ERCC6: variants seen among roughly 807,000 people sequenced by gnomAD.
ERCC6 encodes DNA excision repair protein ERCC-6.
In ERCC6, 116 loss-of-function variants were observed where a neutral mutation model predicts 158.7. That is an observed-to-expected ratio of 0.73 (90% confidence interval 0.63 to 0.85). ERCC6 has a LOEUF of 0.85. Among genes scored for constraint, ERCC6 ranks in the 40% least tolerant of loss-of-function variants. The pLI, the probability that ERCC6 is intolerant of heterozygous loss-of-function variation, is 0.00. For synonymous variants in ERCC6, 678 were observed against 659.3 expected (o/e 1.03, Z -0.43); for missense variants, 1,698 against 1,799.4 (o/e 0.94, Z 1.02).
In ERCC6 at chr10:49,454,945, T is replaced by G. The variant is rs190896169; in HGVS notation, c.*3870A>C. 1.5e-3 allele frequency among the ~76,000 whole-genome samples: 221 copies of G among 152,278 alleles called. 1 individual carries two copies. The highest frequency in any genetic ancestry group is 5.2e-3 in the African/African-American group (218 of 41,564). On this transcript the variant is annotated 3_prime_UTR_variant, in exon 21 of 21. Coordinates refer to ENST00000355832, the MANE Select transcript of ERCC6 (RefSeq NM_000124.4). ...TCAGGAGGAAAATAATAAACTATTT[T>G]TTAAAGGTGCTAGGGAAACTAGCTA...
At position 49,470,676 on chromosome 10, in the gene ERCC6, G is replaced by C. The variant is rs4253208; in HGVS notation, c.3284C>G (p.Pro1095Arg). 2.2e-3 allele frequency: 3,607 copies of C among 1,613,920 alleles called. 79 individuals carry two copies. The African/African-American group carries it at 0.044, about 20-fold the overall frequency. ...GCTAGTTACATTACTACTCATGTGA[G>C]GGTCATCTTTCAAAGGATCACTTCG... ...SNRSDPLKDD[P>R]HMSSNVTSND... is the part of the protein sequence containing the mutation. The change falls in exon 18 of 21, where the codon CCT becomes CGT. Residue 1095 changes from proline (P) to arginine (R), a missense_variant. By Grantham distance (103) the Pro-to-Arg change is moderately radical. Transcript: ENST00000355832.
intron 1 of ERCC6, among the ~76,000 whole-genome samples, chr10:49,534,958 G>A (rs1192192889): frequency 1.3e-5 from 2 of 152,186 alleles, no homozygotes; most frequent in Non-Finnish European, 2.9e-5. Flanking sequence ...GAGCAGGGCA[G>A]GTCAGCTAGC....
At chr10:49,519,131 GGTTTTCA>G (rs1211355556) in intron 5 of ERCC6, among the ~76,000 whole-genome samples, 2 of 152,086 alleles carry the variant, frequency 1.3e-5, no homozygotes, top group Admixed American at 6.6e-5. Context: ...TTTTTGGTTT[GGTTTTCA>G]GTCCAATGGA....
intron 6 of ERCC6, chr10:49,501,716 G>A (rs1054516425): frequency 2.6e-5 from 4 of 152,004 alleles, no homozygotes; most frequent in Non-Finnish European, 5.9e-5. Flanking sequence ...AGCACTTTGG[G>A]AAGCCGAGGC....
chr10:49,496,121 G>A (rs1851262304), intron 7 of ERCC6, among the ~76,000 whole-genome samples: 1 of 152,064 alleles, frequency 6.6e-6, no homozygotes, highest in African/African-American at 2.4e-5. Context: ...CCATGTCCTG[G>A]TTACCCTCTT....
Position 49,500,616 on chromosome 10 carries a change from A to C in ERCC6, c.1607T>G (p.Leu536Trp), listed in dbSNP as rs774175886. Reference protein sequence around the residue: ...AGGILGDEMGLGKTIQIIAFL... With the variant: ...AGGILGDEMGWGKTIQIIAFL... ...GGCAATTATCTGGATGGTCTTGCCC[A>C]ATCCCATTTCATCTCCCAGAATTCC... The change falls in exon 7 of 21, where the codon TTG (leucine) becomes TGG (tryptophan). Residue 536 changes from leucine to tryptophan, a missense_variant. By Grantham distance (61) the Leu-to-Trp change is moderately conservative (BLOSUM62 -2). Transcript: ENST00000355832. 6.2e-6 allele frequency: 10 copies of C among 1,613,896 alleles called. No individual in the cohort carries two copies. The East Asian group carries it at 2.0e-4, about 32-fold the overall frequency.
In ERCC6 at chr10:49,501,021, C is replaced by T. The variant is rs4253115; in HGVS notation, c.1527-325G>A. ...AAGCATAAACTTACTATTTTTTACT[C>T]ACTTTCTGGGGGAAAAAATCCCAAA... On this transcript the variant is annotated intron_variant, in intron 6 of 20. Coordinates refer to ENST00000355832, the MANE Select transcript of ERCC6 (RefSeq NM_000124.4). 5.8e-4 allele frequency: 156 copies of T among 269,574 alleles called. 3 individuals are homozygous for T. The South Asian group carries it at 6.9e-3, about 12-fold the overall frequency. 16.7% of individuals were successfully genotyped at this position (269,574 alleles called of 1,614,324 possible). A position where few individuals can be genotyped will look rare whatever the true frequency, so the allele number is the denominator to read the frequency against.
intron 5 of ERCC6, among the ~76,000 whole-genome samples, chr10:49,507,735 G>A (rs368684611): frequency 2.0e-5 from 3 of 152,038 alleles, no homozygotes; most frequent in African/African-American, 2.4e-5. Context: ...GGAAGGAGTC[G>A]GGAGGATATA....
rs764824370 is a variant in ERCC6, at chr10:49,482,780, G to A, written c.2076C>T (p.Ile692=). Residue 692 remains isoleucine (I), a synonymous_variant, in exon 10 of 21, where the codon ATC becomes ATT. Coordinates refer to ENST00000355832, the MANE Select transcript of ERCC6 (RefSeq NM_000124.4). ...LRELWSLFDF[I]FPGKLGTLPV... is the part of the protein sequence containing the mutation. The stretch of plus-strand genomic sequence containing the variant: ...GCAACGTGCCTAACTTTCCCGGGAA[G>A]ATGAAGTCAAAGAGCGACCACAGCT... 4 of 1,613,678 alleles carry A rather than the reference G, an allele frequency of 2.5e-6. No individual in the cohort carries two copies. The highest frequency in any genetic ancestry group is 3.4e-6 in the Non-Finnish European group (4 of 1,179,946).
At position 49,508,605 on chromosome 10, in the gene ERCC6, T is replaced by C. The variant is rs114883603; in HGVS notation, c.1398-2593A>G. Among the ~76,000 whole-genome samples the C allele has an allele frequency of 2.8e-3, 421 of 152,310 alleles. 1 individual carries two copies. The highest frequency in any genetic ancestry group is 9.8e-3 in the African/African-American group (409 of 41,564). On this transcript the variant is annotated intron_variant, in intron 5 of 20. Transcript: ENST00000355832. ...TTATTGCCTGCAAGTATTTGTATCA[T>C]TGTGAAGACAAATTGCCCCAGTAGA...
At chr10:49,488,822 C>T (rs1054149302) in intron 8 of ERCC6, among the ~76,000 whole-genome samples, 1 of 152,010 alleles carries the variant, frequency 6.6e-6, no homozygotes. Flanking sequence ...CTCGCTCTGT[C>T]GCCCAGACTG....
At chr10:49,460,268 A>T in intron 20 of ERCC6, 105 bp downstream of exon 20, 1 of 799,570 alleles carries the variant, frequency 1.3e-6, no homozygotes, top group Non-Finnish European at 2.2e-6. Flanking sequence ...AGGTGTCATT[A>T]CACCAGAGAT....
At chr10:49,494,223 G>A (rs372100845) in intron 7 of ERCC6, among the ~76,000 whole-genome samples, 12 of 152,220 alleles carry the variant, frequency 7.9e-5, no homozygotes, top group African/African-American at 2.4e-4. Context: ...CTCTGGGAAC[G>A]TCAGTTTTTC....
chr10:49,503,944 A>G (rs914542560), intron 6 of ERCC6: 10 of 152,150 alleles, frequency 6.6e-5, no homozygotes, highest in African/African-American at 2.4e-4. Flanking sequence ...AGGTCAAAAG[A>G]TTGAAGTTTG....
intron 8 of ERCC6, among the ~76,000 whole-genome samples, chr10:49,486,869 G>A (rs1851087622): frequency 1.3e-5 from 2 of 152,176 alleles, no homozygotes; most frequent in Admixed American, 6.5e-5. Flanking sequence ...TACAAGGCTA[G>A]CAAACCCTGT....
chr10:49,438,323 A>C, the ERCC6 span, among the ~76,000 whole-genome samples: 1 of 152,224 alleles, frequency 6.6e-6, no homozygotes, highest in Admixed American at 6.5e-5. Context: ...GGGAGGCCTC[A>C]GAATCATGGT....
intron 8 of ERCC6, among the ~76,000 whole-genome samples, chr10:49,484,292 GAAAA>G (rs1171502815): frequency 8.4e-6 from 1 of 118,852 alleles, no homozygotes; most frequent in African/African-American, 3.5e-5. Flanking sequence ...AAAAAAAAAA[GAAAA>G]AAAAAAAAAG....
chr10:49,471,208 T>G, intron 16 of ERCC6, 88 bp from the exon 17 acceptor site: 3 of 1,298,196 alleles, frequency 2.3e-6, no homozygotes, highest in Non-Finnish European at 3.3e-6. Flanking sequence ...AGAGAGATGA[T>G]AACAGCTGCT....
chr10:49,488,941 C>T (rs1024644187), intron 8 of ERCC6, among the ~76,000 whole-genome samples: 19 of 152,046 alleles, frequency 1.2e-4, no homozygotes, highest in Non-Finnish European at 2.4e-4. Flanking sequence ...CCTGCCACCA[C>T]GCCTGGCTAA....
Sources: gnomAD v4.1 joint callset for allele counts (sites outside exome capture counted in the v4.1 genomes callset) on GRCh38, gnomAD v4.1.1 for gene constraint, MANE v1.5 for transcripts, NCBI Gene and HGNC (gene_info 2026-07-23, HGNC 2026-07-21) for gene names.